Variants in MAFG observed in about 807,000 individuals in gnomAD.
MAFG encodes MAF bZIP transcription factor G.
In MAFG, 3 loss-of-function variants were observed where a neutral mutation model predicts 12.2. The observed-to-expected ratio is 0.25, with a 90% CI of 0.11 to 0.64. MAFG has a LOEUF of 0.64. MAFG is among the 30% of genes least tolerant of loss of function. The pLI, the probability that MAFG is intolerant of heterozygous loss-of-function variation, is 0.85. For missense variants in MAFG, 153 were observed against 235.5 expected, an observed-to-expected ratio of 0.65 and a Z score of 2.29; for synonymous variants, 126 against 109.1, an observed-to-expected ratio of 1.15 and a Z score of -0.96.
chr17:81,923,091 G>A (rs1026518720), intron 2 of MAFG, 34 bp from the exon 3 acceptor site: 22 of 1,609,496 alleles, frequency 1.4e-5, no homozygotes, highest in Non-Finnish European at 1.7e-5. Context: ...CAGGCCAAGC[G>A]GGCACGCCCA....
At position 81,926,246 on chromosome 17, in the gene MAFG, C is replaced by T. The variant is rs909519889; in HGVS notation, c.-30+1282G>A. On this transcript the variant is annotated intron_variant, in intron 1 of 2. Coordinates refer to ENST00000357736, the MANE Select transcript of MAFG (RefSeq NM_002359.4). This position sits in a 1 kb window ranked among gnomAD's most constrained non-coding sequence, Gnocchi z 4.6. Reference sequence around the variant, plus strand: ...CACTCCCTTTGCTAACTTCACACAACGCTGAGACCCCACTTCAGGTAGCGA... The same window carrying T: ...CACTCCCTTTGCTAACTTCACACAATGCTGAGACCCCACTTCAGGTAGCGA... 6.6e-6 allele frequency among the ~76,000 whole-genome samples: 1 copy of T among 152,174 alleles called. No individual in the cohort carries two copies. The highest frequency in any genetic ancestry group is 2.1e-4 in the South Asian group (1 of 4,816).
rs764009014 is a variant in MAFG, at chr17:81,923,136, C to T, written c.36+14G>A. 1 of 1,611,992 alleles carries T rather than the reference C, an allele frequency of 6.2e-7. No individual in the cohort carries two copies. Among genetic ancestry groups the T allele is most frequent in the East Asian group, 2.2e-5 (1 of 44,864 alleles). ...CCGACCCCAGCCCACAGGCTCCTGT[C>T]CCTGCCCACTCACCTTCAAGGCCTT... On this transcript the variant is annotated intron_variant, in intron 2 of 2. Coordinates refer to ENST00000357736, the MANE Select transcript of MAFG (RefSeq NM_002359.4).
chr17:81,926,226 C>G lies in MAFG; in HGVS notation c.-30+1302G>C, dbSNP rs1206497464. Among the ~76,000 whole-genome samples the G allele has an allele frequency of 6.6e-6, 1 of 152,302 alleles. No homozygotes were observed. The highest frequency in any genetic ancestry group is 2.4e-5 in the African/African-American group (1 of 41,566). Reference sequence around the variant, plus strand: ...GGCCAGACACCCAACAGGGCCACTCCCTTTGCTAACTTCACACAACGCTGA... The same window carrying G: ...GGCCAGACACCCAACAGGGCCACTCGCTTTGCTAACTTCACACAACGCTGA... On this transcript the variant is annotated intron_variant, in intron 1 of 2. Coordinates refer to ENST00000357736, the MANE Select transcript of MAFG (RefSeq NM_002359.4). The surrounding 1 kb of genome is among the most constrained non-coding windows in gnomAD (Gnocchi z 4.6).
In MAFG at chr17:81,920,628, G is replaced by A. The variant is rs1283326706; in HGVS notation, c.*1977C>T. On this transcript the variant is annotated 3_prime_UTR_variant, in exon 3 of 3. Transcript: ENST00000357736. ...AGCCTCTGGCGAGGAACTGAGAGCA[G>A]GAGGCAGGCTGCGCCCCCACAGGGA... 2.0e-5 allele frequency: 3 copies of A among 152,314 alleles called. No homozygotes were observed. The highest frequency in any genetic ancestry group is 7.2e-5 in the African/African-American group (3 of 41,468). The allele number at this position is 152,314 out of a possible 1,614,324, so 9.4% of individuals were successfully genotyped here.
upstream of MAFG, among the ~76,000 whole-genome samples, chr17:81,929,184 G>A (rs1204872190): frequency 1.3e-5 from 2 of 152,212 alleles, no homozygotes; most frequent in South Asian, 2.1e-4. This position sits in a 1 kb window ranked among gnomAD's most constrained non-coding sequence, Gnocchi z 5.7. Context: ...AATTTGGAAC[G>A]GATTTATGAA....
At position 81,924,698 on chromosome 17, in the gene MAFG, G is replaced by C. The variant is rs2040925631; in HGVS notation, c.-29-1484C>G. 6.6e-6 allele frequency among the ~76,000 whole-genome samples: 1 copy of C among 152,196 alleles called. No individual in the cohort carries two copies. The highest frequency in any genetic ancestry group is 1.5e-5 in the Non-Finnish European group (1 of 68,042). On this transcript the variant is annotated intron_variant, in intron 1 of 2. Transcript: ENST00000357736. This position sits in a 1 kb window ranked among gnomAD's most constrained non-coding sequence, Gnocchi z 4.7. The stretch of plus-strand genomic sequence containing the variant: ...CAGCCACTGGATTCTTCCAGATAAA[G>C]GATGGGGAAGACCTGAGCTGGAGGT...
At position 81,923,039 on chromosome 17, in the gene MAFG, C is replaced by T. The variant is rs776281696; in HGVS notation, c.55G>A (p.Glu19Lys). ...KALKVKREPG[E>K]NGTSLTDEEL... Reference sequence around the variant, plus strand: ...TCATCCGTCAGGCTGGTGCCATTCTCACCCGGCTCCCGCTTCACCTGGGGC... The same window carrying T: ...TCATCCGTCAGGCTGGTGCCATTCTTACCCGGCTCCCGCTTCACCTGGGGC... Residue 19 changes from glutamate (E) to lysine (K), a missense_variant, in exon 3 of 3, where the codon GAG (glutamate) becomes AAG (lysine). By Grantham distance (56) the Glu-to-Lys change is moderately conservative. Transcript: ENST00000357736. The T allele has an allele frequency of 1.3e-5, 21 of 1,598,778 alleles. No homozygotes were observed. In the South Asian group the frequency reaches 2.1e-4, roughly 16 times the overall value.
At chr17:81,923,594 CG>C (rs2040917405) in intron 1 of MAFG, 1 of 166,682 alleles carries the variant, frequency 6.0e-6, no homozygotes, top group African/African-American at 2.4e-5. Flanking sequence ...GCCCAGAGCG[CG>C]GCTGTTCCTG....
intron 1 of MAFG, 98 bp from the exon 2 acceptor site, chr17:81,923,312 G>GCC: frequency 1.4e-6 from 1 of 705,568 alleles, no homozygotes; most frequent in Non-Finnish European, 2.1e-6. Context: ...TTGCCGCACA[G>GCC]CCCGCCCCAG....
At chr17:81,923,476 T>G (rs111852972) in intron 1 of MAFG, 4,096 of 366,232 alleles carry the variant, frequency 0.011, 149 homozygotes, top group African/African-American at 0.079. Flanking sequence ...TGAAGGCTGT[T>G]AGGAAGGCAG....
Position 81,922,594 on chromosome 17 carries a change from G to T in MAFG, c.*11C>A. ...GGCCCCGCAAAGACCCGCCTGGGCA[G>T]ACGCGCGTCCCTACGATCGGGCATC... On this transcript the variant is annotated 3_prime_UTR_variant, in exon 3 of 3. Coordinates refer to ENST00000357736, the MANE Select transcript of MAFG (RefSeq NM_002359.4). 6.9e-7 allele frequency: 1 copy of T among 1,452,292 alleles called. No homozygotes were observed. Among genetic ancestry groups the T allele is most frequent in the South Asian group, 1.5e-5 (1 of 66,298 alleles). The allele number at this position is 1,452,292 out of a possible 1,614,324, so 90.0% of individuals were successfully genotyped here.
chr17:81,931,161 G>A (rs931897827), upstream of MAFG, among the ~76,000 whole-genome samples: 8 of 152,116 alleles, frequency 5.3e-5, no homozygotes, highest in Non-Finnish European at 8.8e-5. Flanking sequence ...CCTAGGGCCC[G>A]CCTGCTGAAG....
upstream of MAFG, chr17:81,927,773 A>T (rs1313412780): frequency 6.6e-6 from 1 of 151,994 alleles, no homozygotes; most frequent in Non-Finnish European, 1.5e-5. Context: ...TGAAGCGGCG[A>T]CGCGGCCGGC....
Position 81,922,841 on chromosome 17 carries a change from C to G in MAFG, c.253G>C (p.Glu85Gln). The change falls in exon 3 of 3, where the codon GAG (glutamate) becomes CAG (glutamine). Residue 85 changes from glutamate (E) to glutamine (Q), a missense_variant. By Grantham distance (29) the Glu-to-Gln change is conservative. This residue lies in a region of MAFG where 29 missense variants were observed against 75.3 expected (regional missense o/e 0.39). Transcript: ENST00000357736. ...AGCTTCTCCACCTCCTGCTGCAGCTCCGCCTTCTGCTTCTCCAGCTCCTCC... is the reference window on the plus strand; with the variant it reads ...AGCTTCTCCACCTCCTGCTGCAGCTGCGCCTTCTGCTTCTCCAGCTCCTCC... The part of the protein sequence containing the change: ...QKEELEKQKA[E>Q]LQQEVEKLAS... 6.2e-7 allele frequency: 1 copy of G among 1,610,300 alleles called. No homozygotes were observed. The highest frequency in any genetic ancestry group is 8.5e-7 in the Non-Finnish European group (1 of 1,178,568).
rs2040884760 is a variant in MAFG, at chr17:81,921,115, G to A, written c.*1490C>T. ...GTGGAAGCAGCGTGGGGCGCCCCAA[G>A]GGACCCCAGTTTCACCTACCCCGCC... On this transcript the variant is annotated 3_prime_UTR_variant, in exon 3 of 3. Coordinates refer to ENST00000357736, the MANE Select transcript of MAFG (RefSeq NM_002359.4). 1 of 152,294 alleles carries A rather than the reference G, an allele frequency of 6.6e-6. No individual in the cohort carries two copies. The highest frequency in any genetic ancestry group is 6.5e-5 in the Admixed American group (1 of 15,284). 9.4% of individuals were successfully genotyped at this position (152,294 alleles called of 1,614,324 possible). A position where few individuals can be genotyped will look rare whatever the true frequency, so the allele number is the denominator to read the frequency against.
chr17:81,928,623 G>A (rs1266013086), upstream of MAFG, among the ~76,000 whole-genome samples: 1 of 152,216 alleles, frequency 6.6e-6, no homozygotes, highest in Non-Finnish European at 1.5e-5. This position sits in a 1 kb window ranked among gnomAD's most constrained non-coding sequence, Gnocchi z 8.1. Context: ...CGCCGTGTGC[G>A]CTGTGGGGCT....
At chr17:81,927,105 G>A (rs887177051) in intron 1 of MAFG, among the ~76,000 whole-genome samples, 22 of 150,974 alleles carry the variant, frequency 1.5e-4, no homozygotes, top group African/African-American at 5.4e-4. Flanking sequence ...GCCGGGGAGA[G>A]CTGACGCGGC....
Position 81,922,463 on chromosome 17 carries a change from T to TATCATTAAAAA in MAFG, c.*141_*142insTTTTTAATGAT. ...GGGGCTCAGCCCGGCGCCCCTGGGG[T>TATCATTAAAAA]ACAGGTTGTGCTTTGCAGGGAAGAG... is the stretch of plus-strand genomic sequence containing the variant. On this transcript the variant is annotated 3_prime_UTR_variant, in exon 3 of 3. Coordinates refer to ENST00000357736, the MANE Select transcript of MAFG (RefSeq NM_002359.4). 3 of 622,978 alleles carry TATCATTAAAAA rather than the reference T, an allele frequency of 4.8e-6. No individual in the cohort carries two copies. The highest frequency in any genetic ancestry group is 3.9e-5 in the Admixed American group (1 of 25,380). The allele number at this position is 622,978 out of a possible 1,614,324, so 38.6% of individuals were successfully genotyped here.
chr17:81,919,390 T>A lies in MAFG; in HGVS notation c.*3215A>T, dbSNP rs2040864318. 6.6e-6 allele frequency: 1 copy of A among 152,294 alleles called. No homozygotes were observed. Among genetic ancestry groups the A allele is most frequent in the South Asian group, 2.1e-4 (1 of 4,824 alleles). The allele number at this position is 152,294 out of a possible 1,614,324, so 9.4% of individuals were successfully genotyped here. On this transcript the variant is annotated 3_prime_UTR_variant, in exon 3 of 3. Transcript: ENST00000357736. The stretch of plus-strand genomic sequence containing the variant: ...ATCACCAGTCAGAAGTGTACACACA[T>A]ATCTGAAACATGCACCAAGAGCTGA...
Sources: gnomAD v4.1 joint callset for allele counts (sites outside exome capture counted in the v4.1 genomes callset) on GRCh38, gnomAD v4.1.1 for gene constraint, gnomAD v4.1.1 regional missense constraint, Gnocchi (gnomAD v3.1) non-coding constraint, MANE v1.5 for transcripts, NCBI Gene and HGNC (gene_info 2026-07-23, HGNC 2026-07-21) for gene names.